GALNTL6: variants seen among roughly 807,000 people sequenced by gnomAD.
GALNTL6 encodes polypeptide N-acetylgalactosaminyltransferase-like 6.
GALNTL6 carries 46 observed loss-of-function variants against 73.7 expected under a neutral mutation model. The ratio of observed to expected loss-of-function variants is 0.62; its 90% CI spans 0.49 to 0.80. The LOEUF is 0.80. Ranked by LOEUF, GALNTL6 falls within the 30% of genes least tolerant of loss-of-function variation. The pLI is 0.00. For missense variants in GALNTL6, 604 were observed against 755.0 expected (o/e 0.80, Z 2.34); for synonymous variants, 259 against 263.7 (o/e 0.98, Z 0.17).
intron 2 of GALNTL6, among the ~76,000 whole-genome samples, chr4:171,877,107 C>G (rs1578933215): frequency 6.6e-6 from 1 of 152,256 alleles, no homozygotes. Flanking sequence ...CTCTGTTTCT[C>G]CACTTTCAAA....
intron 5 of GALNTL6, among the ~76,000 whole-genome samples, chr4:172,663,547 T>C (rs1379319085): frequency 6.6e-6 from 1 of 152,206 alleles, no homozygotes; most frequent in African/African-American, 2.4e-5. Context: ...CCTGGTGACA[T>C]ATCCTAGTCC....
chr4:171,814,353 T>A lies in GALNTL6; in HGVS notation c.-169-59T>A, dbSNP rs759546658. 8.2e-5 allele frequency: 48 copies of A among 585,606 alleles called. 2 individuals carry two copies. Among genetic ancestry groups the A allele is most frequent in the Non-Finnish European group, 1.3e-4 (44 of 333,030 alleles). The allele number at this position is 585,606 out of a possible 1,614,324, so 36.3% of individuals were successfully genotyped here. On this transcript the variant is annotated intron_variant, in intron 1 of 12. Transcript: ENST00000506823. ...GTCAAGTCATTTATTTCTAAGCCAA[T>A]AGATAATGCCTTCGTCATAGTTTTC... is the stretch of plus-strand genomic sequence containing the variant.
chr4:172,249,269 C>T (rs943738591), intron 3 of GALNTL6, among the ~76,000 whole-genome samples: 1 of 152,170 alleles, frequency 6.6e-6, no homozygotes, highest in African/African-American at 2.4e-5. Context: ...CAGCATTTGG[C>T]CCTTGCCCTA....
chr4:172,422,636 T>G (rs955876849), intron 5 of GALNTL6, among the ~76,000 whole-genome samples: 3 of 151,962 alleles, frequency 2.0e-5, no homozygotes, highest in Non-Finnish European at 4.4e-5. Context: ...AAGACTTTTA[T>G]GTCTAGCTCA....
intron 10 of GALNTL6, among the ~76,000 whole-genome samples, chr4:173,008,174 C>T (rs1208307696): frequency 3.3e-5 from 5 of 152,224 alleles, no homozygotes; most frequent in Non-Finnish European, 7.3e-5. Context: ...ATGTTCCGCA[C>T]AGAACCATGC....
intron 2 of GALNTL6, among the ~76,000 whole-genome samples, chr4:172,022,116 A>C (rs964741532): frequency 3.3e-5 from 5 of 152,074 alleles, no homozygotes; most frequent in Admixed American, 3.3e-4. Context: ...GCTTCTGAAC[A>C]AGCAAGGAAA....
At chr4:172,036,556 C>A (rs189509498) in intron 2 of GALNTL6, among the ~76,000 whole-genome samples, 13 of 152,176 alleles carry the variant, frequency 8.5e-5, no homozygotes, top group Admixed American at 8.5e-4. Flanking sequence ...TTCGTACATG[C>A]CAGTAACTCT....
intron 2 of GALNTL6, among the ~76,000 whole-genome samples, chr4:172,175,330 T>C (rs1734956729): frequency 6.6e-6 from 1 of 152,080 alleles, no homozygotes; most frequent in Non-Finnish European, 1.5e-5. Flanking sequence ...CCTCCCAAAA[T>C]GCTGTGATTA....
chr4:172,317,716 G>T (rs1740611942), intron 4 of GALNTL6, among the ~76,000 whole-genome samples: 1 of 151,950 alleles, frequency 6.6e-6, no homozygotes, highest in Admixed American at 6.6e-5. Context: ...AGAACTCATT[G>T]GCAAACATAT....
chr4:171,967,108 C>T (rs1646860458), intron 2 of GALNTL6, among the ~76,000 whole-genome samples: 1 of 152,190 alleles, frequency 6.6e-6, no homozygotes, highest in Non-Finnish European at 1.5e-5. Context: ...CTACCCCCTA[C>T]CCACTTAAGT....
intron 8 of GALNTL6, among the ~76,000 whole-genome samples, chr4:172,889,980 G>C (rs967618989): frequency 4.6e-5 from 7 of 151,906 alleles, no homozygotes; most frequent in Admixed American, 1.3e-4. Context: ...ACTCAATCTT[G>C]GGAGTCTGTG....
chr4:172,096,211 C>A (rs2110950955), intron 2 of GALNTL6, among the ~76,000 whole-genome samples: 1 of 152,114 alleles, frequency 6.6e-6, no homozygotes, highest in Non-Finnish European at 1.5e-5. Flanking sequence ...TCAAGTAATC[C>A]TCCCACCTCA....
chr4:172,762,041 T>G (rs573906356), intron 5 of GALNTL6, among the ~76,000 whole-genome samples: 1 of 152,178 alleles, frequency 6.6e-6, no homozygotes, highest in African/African-American at 2.4e-5. Flanking sequence ...AAAGAATGGG[T>G]AAATGTTTAC....
At position 172,739,930 on chromosome 4, in the gene GALNTL6, G is replaced by T. The variant is rs538171801; in HGVS notation, c.554-69431G>T. Among the ~76,000 whole-genome samples, 187 of 146,090 alleles carry T rather than the reference G, an allele frequency of 1.3e-3. 1 individual carries two copies. Among genetic ancestry groups the T allele is most frequent in the Non-Finnish European group, 1.1e-3 (76 of 67,258 alleles). On this transcript the variant is annotated intron_variant, in intron 5 of 12. Transcript: ENST00000506823. The stretch of plus-strand genomic sequence containing the variant: ...TATGAAAAAGAGCAGAGCTGTTCAA[G>T]AAATGATACATTAAAAAAAAAAACT...
At chr4:172,290,073 A>T (rs760212263) in intron 3 of GALNTL6, among the ~76,000 whole-genome samples, 4 of 152,116 alleles carry the variant, frequency 2.6e-5, no homozygotes, top group Non-Finnish European at 5.9e-5. Context: ...TAATTATTTT[A>T]TCTGCTTTAT....
At chr4:172,823,725 C>T (rs1332436390) in intron 7 of GALNTL6, among the ~76,000 whole-genome samples, 4 of 151,992 alleles carry the variant, frequency 2.6e-5, no homozygotes, top group Non-Finnish European at 1.5e-5. Flanking sequence ...AGGCATTTAT[C>T]CAGTATGTAG....
At chr4:172,739,942 T>TA (rs11342855) in intron 5 of GALNTL6, among the ~76,000 whole-genome samples, 10,499 of 147,356 alleles carry the variant, frequency 0.071, 770 homozygotes, top group African/African-American at 0.19. Flanking sequence ...AATGATACAT[T>TA]AAAAAAAAAA....
intron 9 of GALNTL6, among the ~76,000 whole-genome samples, chr4:172,935,870 C>T (rs1263198948): frequency 1.3e-5 from 2 of 152,198 alleles, no homozygotes; most frequent in Non-Finnish European, 2.9e-5. Context: ...GAGCTAATAC[C>T]ATTCCTTCTG....
At chr4:173,036,197 G>C (rs1278787072) in intron 12 of GALNTL6, among the ~76,000 whole-genome samples, 2 of 152,024 alleles carry the variant, frequency 1.3e-5, no homozygotes, top group African/African-American at 4.8e-5. Flanking sequence ...CGCCCCCTAT[G>C]TGGTAGTTTC....
Sources: allele counts gnomAD v4.1 joint callset (sites outside exome capture counted in the v4.1 genomes callset), GRCh38; gene constraint gnomAD v4.1.1; transcripts MANE v1.5; gene names NCBI Gene and HGNC (gene_info 2026-07-23, HGNC 2026-07-21).